Variants in RTN1 observed in about 807,000 individuals in gnomAD.
The protein encoded by RTN1 is reticulon-1.
RTN1 carries 25 observed loss-of-function variants against 65.5 expected under a neutral mutation model. The ratio of observed to expected loss-of-function variants is 0.38; its 90% confidence interval spans 0.28 to 0.53. RTN1 has a LOEUF of 0.53. Among genes scored for constraint, RTN1 ranks in the 20% least tolerant of loss-of-function variants. The pLI is 0.79. For missense variants in RTN1, 983 were observed against 1,025.4 expected, an observed-to-expected ratio of 0.96 and a Z score of 0.57; for synonymous variants, 471 against 447.6, an observed-to-expected ratio of 1.05 and a Z score of -0.66.
At chr14:59,799,822 G>A (rs1286295880) in intron 1 of RTN1, among the ~76,000 whole-genome samples, 2 of 152,132 alleles carry the variant, frequency 1.3e-5, no homozygotes, top group East Asian at 3.9e-4. Context: ...GTTGGCTGGG[G>A]GAGAGGATTC....
At chr14:59,838,451 AAT>A (rs1887252510) in intron 1 of RTN1, among the ~76,000 whole-genome samples, 1 of 152,172 alleles carries the variant, frequency 6.6e-6, no homozygotes, top group South Asian at 2.1e-4. Context: ...ATTTTTTTCA[AAT>A]GGGAAAAATC....
chr14:59,616,215 C>A (rs1018775805), intron 3 of RTN1, among the ~76,000 whole-genome samples: 1 of 152,026 alleles, frequency 6.6e-6, no homozygotes, highest in Non-Finnish European at 1.5e-5. Flanking sequence ...ATGCAAAACT[C>A]CTGTTATTCT....
intron 3 of RTN1, among the ~76,000 whole-genome samples, chr14:59,718,080 C>A (rs1245551630): frequency 2.0e-5 from 3 of 152,198 alleles, no homozygotes; most frequent in Non-Finnish European, 4.4e-5. Flanking sequence ...ATCAGTTCCA[C>A]TGAGCCCCTA....
At chr14:59,617,815 A>G (rs1882144440) in intron 3 of RTN1, among the ~76,000 whole-genome samples, 1 of 152,216 alleles carries the variant, frequency 6.6e-6, no homozygotes, top group Non-Finnish European at 1.5e-5. Flanking sequence ...AAGCCCAGCC[A>G]GGCCTGCATG....
chr14:59,764,723 AAAC>A (rs1346614713), intron 1 of RTN1, among the ~76,000 whole-genome samples: 1 of 152,212 alleles, frequency 6.6e-6, no homozygotes, highest in Admixed American at 6.5e-5. Context: ...ATTCCTCAGG[AAAC>A]AACAACAGAT....
rs949849973 is a variant in RTN1, at chr14:59,740,680, C to T, written c.1015+5028G>A. Reference sequence around the variant, plus strand: ...TACCTTAAAAATAATTCACCCTTACCATGAGTCAAAAGGGACTCGTAGCTC... The same window carrying T: ...TACCTTAAAAATAATTCACCCTTACTATGAGTCAAAAGGGACTCGTAGCTC... On this transcript the variant is annotated intron_variant, in intron 2 of 8. Transcript: ENST00000267484. Among the ~76,000 whole-genome samples, 3 of 152,128 alleles carry T rather than the reference C, an allele frequency of 2.0e-5. 1 individual carries two copies. The highest frequency in any genetic ancestry group is 7.2e-5 in the African/African-American group (3 of 41,426).
intron 1 of RTN1, among the ~76,000 whole-genome samples, chr14:59,751,114 C>T (rs1885511191): frequency 3.4e-5 from 5 of 147,268 alleles, no homozygotes; most frequent in African/African-American, 1.2e-4. Flanking sequence ...AACGATACTT[C>T]ATTTAGCAAG....
chr14:59,687,772 G>C (rs572191248), intron 3 of RTN1, among the ~76,000 whole-genome samples: 1 of 151,886 alleles, frequency 6.6e-6, no homozygotes, highest in African/African-American at 2.4e-5. Flanking sequence ...GGTACAGGGG[G>C]GTCCTCTTCA....
chr14:59,841,263 C>CA (rs1158526621), intron 1 of RTN1, among the ~76,000 whole-genome samples: 1 of 151,874 alleles, frequency 6.6e-6, no homozygotes, highest in Non-Finnish European at 1.5e-5. Context: ...ACAGAAGATG[C>CA]AAGTAATGAA....
chr14:59,810,813 A>C (rs1473898577), intron 1 of RTN1, among the ~76,000 whole-genome samples: 1 of 152,204 alleles, frequency 6.6e-6, no homozygotes, highest in Non-Finnish European at 1.5e-5. Flanking sequence ...TGTTGCGTGT[A>C]GAGAACTAAA....
At chr14:59,859,728 A>G (rs963834947) in intron 1 of RTN1, among the ~76,000 whole-genome samples, 5 of 152,234 alleles carry the variant, frequency 3.3e-5, no homozygotes, top group African/African-American at 1.2e-4. Flanking sequence ...TATGGACAAT[A>G]AGGTCCAGAA....
chr14:59,642,286 G>A (rs1882797427), intron 3 of RTN1, among the ~76,000 whole-genome samples: 2 of 152,076 alleles, frequency 1.3e-5, no homozygotes, highest in African/African-American at 4.8e-5. Flanking sequence ...GTTTGATGCA[G>A]CTTGATTATG....
intron 2 of RTN1, among the ~76,000 whole-genome samples, chr14:59,740,604 G>C (rs895118688): frequency 6.6e-6 from 1 of 152,136 alleles, no homozygotes; most frequent in South Asian, 2.1e-4. Context: ...ACAGCTGCAG[G>C]GTCGGGGAGA....
intron 2 of RTN1, among the ~76,000 whole-genome samples, chr14:59,730,551 G>A (rs2350137): frequency 0.43 from 65,184 of 151,930 alleles, 14,958 homozygotes; most frequent in African/African-American, 0.59. Flanking sequence ...GAATACCATA[G>A]AGAAAGTGAA....
chr14:59,840,297 A>G (rs1211949188), intron 1 of RTN1, among the ~76,000 whole-genome samples: 5 of 152,278 alleles, frequency 3.3e-5, no homozygotes, highest in Admixed American at 3.3e-4. Context: ...ATCCACTCAG[A>G]AAGTTGTTGT....
intron 3 of RTN1, among the ~76,000 whole-genome samples, chr14:59,689,836 G>A (rs1438170455): frequency 6.6e-6 from 1 of 152,070 alleles, no homozygotes; most frequent in African/African-American, 2.4e-5. Flanking sequence ...AAGAATGAAT[G>A]ATACCTGTTA....
chr14:59,677,695 A>G (rs186790855), intron 3 of RTN1, among the ~76,000 whole-genome samples: 6 of 152,338 alleles, frequency 3.9e-5, no homozygotes, highest in Admixed American at 2.0e-4. Context: ...TGCCTTCTAC[A>G]GGTAAATGGA....
At position 59,751,191 on chromosome 14, in the gene RTN1, CTTTTTT is replaced by C. The variant is rs34021179; in HGVS notation, c.242-4716_242-4711del. 3.0e-3 allele frequency among the ~76,000 whole-genome samples: 272 copies of C among 90,808 alleles called. 2 individuals are homozygous for C. The highest frequency in any genetic ancestry group is 0.011 in the African/African-American group (241 of 21,528). The allele number at this position is 90,808 out of a possible 152,430, so 59.6% of individuals were successfully genotyped here. A position where few individuals can be genotyped will look rare whatever the true frequency, so the allele number is the denominator to read the frequency against. The stretch of plus-strand genomic sequence containing the variant: ...ATCTCAGCTAGGCTTCTCATTATAC[CTTTTTT>C]TTTTTTTTTTTTTTTTTGCATATGG... On this transcript the variant is annotated intron_variant, in intron 1 of 8. Transcript: ENST00000267484.
chr14:59,776,428 A>C (rs1395652390), intron 1 of RTN1, among the ~76,000 whole-genome samples: 1 of 152,164 alleles, frequency 6.6e-6, no homozygotes, highest in Non-Finnish European at 1.5e-5. Context: ...GCCATGATGC[A>C]GTAAAGCCTT....
Sources: allele counts gnomAD v4.1 joint callset (sites outside exome capture counted in the v4.1 genomes callset), GRCh38; gene constraint gnomAD v4.1.1; transcripts MANE v1.5; gene names NCBI Gene and HGNC (gene_info 2026-07-23, HGNC 2026-07-21).